Variants in SOS1 observed in about 807,000 individuals in gnomAD.
SOS1 encodes the protein SOS Ras/Rac guanine nucleotide exchange factor 1.
SOS1 carries 25 observed loss-of-function variants against 157.6 expected under a neutral mutation model. The observed-to-expected ratio is 0.16, with a 90% CI of 0.12 to 0.22. The LOEUF is 0.22. Among genes scored for constraint, SOS1 ranks in the 10% least tolerant of loss-of-function variants. The pLI is 1.00. For missense variants in SOS1, 1,237 were observed against 1,599.1 expected (o/e 0.77, Z 3.86); for synonymous variants, 528 against 534.0 (o/e 0.99, Z 0.16).
chr2:39,031,925 A>C (rs1442325949), intron 8 of SOS1, among the ~76,000 whole-genome samples: 2 of 152,190 alleles, frequency 1.3e-5, no homozygotes, highest in Non-Finnish European at 2.9e-5. Flanking sequence ...TTAAAGAGTG[A>C]AGACTTGACT....
At chr2:39,102,881 G>A (rs533174870) in intron 1 of SOS1, among the ~76,000 whole-genome samples, 30 of 152,104 alleles carry the variant, frequency 2.0e-4, no homozygotes, top group Non-Finnish European at 3.8e-4. Context: ...CTGGAGCCCA[G>A]GAAGTTGAGG....
chr2:39,034,746 G>C (rs1011180657), intron 8 of SOS1: 1 of 453,992 alleles, frequency 2.2e-6, no homozygotes, highest in Non-Finnish European at 4.4e-6. Flanking sequence ...TTGCAAACTT[G>C]AGCTATGAAA....
At chr2:39,015,095 G>A (rs932809887) in intron 10 of SOS1, among the ~76,000 whole-genome samples, 1 of 151,990 alleles carries the variant, frequency 6.6e-6, no homozygotes, top group Non-Finnish European at 1.5e-5. Context: ...AAACTCATCG[G>A]CCACAGGAAT....
chr2:39,094,976 C>T (rs899857702), intron 1 of SOS1, among the ~76,000 whole-genome samples: 1 of 152,112 alleles, frequency 6.6e-6, no homozygotes, highest in African/African-American at 2.4e-5. Flanking sequence ...CACTGAGCCA[C>T]AATATATAAT....
Position 38,995,223 on chromosome 2 carries a change from A to T in SOS1, c.3246T>A (p.Ser1082=). 1 of 1,614,080 alleles carries T rather than the reference A, an allele frequency of 6.2e-7. No individual in the cohort carries two copies. The highest frequency in any genetic ancestry group is 1.1e-5 in the South Asian group (1 of 91,078). Residue 1082 remains serine, a synonymous_variant, in exon 20 of 23, where the codon TCT becomes TCA. Transcript: ENST00000402219. ...ETESTASAPN[S]PRTPLTPPPA... Reference sequence around the variant, plus strand: ...GCGGAGGTGTTAACGGTGTTCTTGGAGAATTTGGTGCAGATGCTGTACTTT... The same window carrying T: ...GCGGAGGTGTTAACGGTGTTCTTGGTGAATTTGGTGCAGATGCTGTACTTT...
intron 1 of SOS1, among the ~76,000 whole-genome samples, chr2:39,077,099 T>C (rs1292739478): frequency 6.6e-6 from 1 of 152,194 alleles, no homozygotes; most frequent in Admixed American, 6.5e-5. Flanking sequence ...TCCCAGCACT[T>C]TGGGAGGCCA....
chr2:39,007,841 G>GCA (rs1164479706), intron 15 of SOS1, among the ~76,000 whole-genome samples: 12 of 151,726 alleles, frequency 7.9e-5, no homozygotes, highest in Admixed American at 5.3e-4. Flanking sequence ...ACATGCACAC[G>GCA]CACACACACA....
In SOS1 at chr2:39,023,244, C is replaced by T; in HGVS notation, c.1203-19G>A. 6.3e-7 allele frequency: 1 copy of T among 1,594,362 alleles called. No homozygotes were observed. Among genetic ancestry groups the T allele is most frequent in the Middle Eastern group, 1.7e-4 (1 of 6,020 alleles). ...AGATTCACTGGAATAAAGAAAAAGA[C>T]ATTATTAGTACATAGATGACAGAAA... On this transcript the variant is annotated intron_variant, in intron 9 of 22. Coordinates refer to ENST00000402219, the MANE Select transcript of SOS1 (RefSeq NM_005633.4).
Position 39,120,547 on chromosome 2 carries a change from G to T in SOS1, c.-125C>A, listed in dbSNP as rs1041933625. 1 of 1,066,690 alleles carries T rather than the reference G, an allele frequency of 9.4e-7. No individual in the cohort carries two copies. Among genetic ancestry groups the T allele is most frequent in the Non-Finnish European group, 1.1e-6 (1 of 881,926 alleles). 66.1% of individuals were successfully genotyped at this position (1,066,690 alleles called of 1,614,324 possible). Reference sequence around the variant, plus strand: ...CCACCGGACGGCCCGGCCCCCTCCGGGCGCCGCGCAGCCGGGCTAGCCCTG... The same window carrying T: ...CCACCGGACGGCCCGGCCCCCTCCGTGCGCCGCGCAGCCGGGCTAGCCCTG... On this transcript the variant is annotated 5_prime_UTR_variant, in exon 1 of 23. Transcript: ENST00000402219.
At chr2:38,995,524 A>G in intron 19 of SOS1, 137 bp from the exon 20 acceptor site, 1 of 681,692 alleles carries the variant, frequency 1.5e-6, no homozygotes, top group South Asian at 1.7e-5. Flanking sequence ...TATTCAAATA[A>G]AAGTAGAACA....
intron 17 of SOS1, among the ~76,000 whole-genome samples, chr2:39,000,984 C>T (rs1454224): frequency 0.042 from 6,354 of 152,256 alleles, 326 homozygotes; most frequent in African/African-American, 0.12. Flanking sequence ...TGTGTAAAAG[C>T]AAAGGGCAAA....
Position 39,023,163 on chromosome 2 carries a change from A to G in SOS1, c.1265T>C (p.Met422Thr). Reference sequence around the variant, plus strand: ...ATCAATATTCTTCTGAATCTCGTTCATCTTCTTGATTGCTAGTTGTTTCCC... The same window carrying G: ...ATCAATATTCTTCTGAATCTCGTTCGTCTTCTTGATTGCTAGTTGTTTCCC... ...MKGKQLAIKK[M>T]NEIQKNIDGW... Residue 422 changes from methionine (M) to threonine (T), a missense_variant, in exon 10 of 23, where the codon ATG becomes ACG. Around this residue, in one of 15 missense-constraint regions of SOS1, gnomAD observed 210 missense variants for 220.2 expected, o/e 0.95. Transcript: ENST00000402219. 2 of 1,613,268 alleles carry G rather than the reference A, an allele frequency of 1.2e-6. No homozygotes were observed. The highest frequency in any genetic ancestry group is 2.7e-5 in the African/African-American group (2 of 74,998).
At chr2:39,116,545 T>C (rs1021894977) in intron 1 of SOS1, among the ~76,000 whole-genome samples, 13 of 152,242 alleles carry the variant, frequency 8.5e-5, no homozygotes, top group Non-Finnish European at 1.5e-4. Flanking sequence ...AAGTGAATTT[T>C]CTAAAATTAA....
intron 1 of SOS1, among the ~76,000 whole-genome samples, chr2:39,112,354 CT>C (rs1340261146): frequency 6.6e-6 from 1 of 152,132 alleles, no homozygotes; most frequent in Admixed American, 6.5e-5. Context: ...CTCTCTTGCT[CT>C]TTCTTTCCCA....
intron 8 of SOS1, among the ~76,000 whole-genome samples, chr2:39,030,421 T>C (rs1004704436): frequency 6.6e-6 from 1 of 151,848 alleles, no homozygotes; most frequent in Admixed American, 6.6e-5. Context: ...TTTAAAAAAA[T>C]TAGTTGGGCA....
upstream of SOS1, among the ~76,000 whole-genome samples, chr2:39,121,208 G>T (rs1367448753): frequency 3.9e-5 from 6 of 152,286 alleles, no homozygotes; most frequent in Admixed American, 2.6e-4. Context: ...GGGCGAAGGG[G>T]CCCGAGAAGT....
chr2:39,095,836 G>A (rs1672749496), intron 1 of SOS1, among the ~76,000 whole-genome samples: 1 of 152,192 alleles, frequency 6.6e-6, no homozygotes, highest in African/African-American at 2.4e-5. Flanking sequence ...ACTGTTGGGT[G>A]TGTAGAAGTC....
rs1482721707 is a variant in SOS1, at chr2:39,056,727, A to G, written c.485T>C (p.Ile162Thr). The G allele has an allele frequency of 1.9e-6, 3 of 1,608,272 alleles. No homozygotes were observed. Among genetic ancestry groups the G allele is most frequent in the Non-Finnish European group, 1.7e-6 (2 of 1,174,932 alleles). Residue 162 changes from isoleucine to threonine, a missense_variant, in exon 4 of 23, where the codon ATT (isoleucine) becomes ACT (threonine). Ile to Thr is a moderately conservative substitution (Grantham distance 89). Transcript: ENST00000402219. The stretch of plus-strand genomic sequence containing the variant: ...CTTGTCAGCACACATTGCCACTTTA[A>G]TATCTTGTTTTGTAATTTCATAATG... ...IRHYEITKQDIKVAMCADKVL... is the reference protein window; with the variant it reads ...IRHYEITKQDTKVAMCADKVL...
At position 39,006,454 on chromosome 2, in the gene SOS1, C is replaced by T; in HGVS notation, c.2749G>A (p.Ala917Thr). 1.2e-6 allele frequency: 2 copies of T among 1,604,850 alleles called. No individual in the cohort carries two copies. Among genetic ancestry groups the T allele is most frequent in the South Asian group, 1.1e-5 (1 of 90,876 alleles). Reference protein sequence around the residue: ...LSEDHYKKYLAKLRSINPPCV... With the variant: ...LSEDHYKKYLTKLRSINPPCV... The stretch of plus-strand genomic sequence containing the variant: ...GGTGGATTAATAGACCTGAGTTTTG[C>T]CAAATATTTCTTATAGTGATCTTCA... Residue 917 changes from alanine to threonine, a missense_variant, in exon 17 of 23, where the codon GCA (alanine) becomes ACA (threonine). Transcript: ENST00000402219.
Sources: allele counts gnomAD v4.1 joint callset (sites outside exome capture counted in the v4.1 genomes callset), GRCh38; gene constraint gnomAD v4.1.1; regional missense constraint gnomAD v4.1.1; transcripts MANE v1.5; gene names NCBI Gene and HGNC (gene_info 2026-07-23, HGNC 2026-07-21).